Variants in KIAA0040 observed in about 807,000 individuals in gnomAD.
The protein encoded by KIAA0040 is KIAA0040.
KIAA0040 carries 10 observed loss-of-function variants against 7.2 expected under a neutral mutation model. The ratio of observed to expected loss-of-function variants is 1.38; its 90% CI spans 0.85 to 2.34. The LOEUF (loss-of-function observed/expected upper bound fraction) is 2.34. KIAA0040 is among the 30% of genes most tolerant of loss of function. The pLI is 0.00. For synonymous variants in KIAA0040, 49 were observed against 40.1 expected (o/e 1.22, Z -0.84); for missense variants, 89 against 108.2 (o/e 0.82, Z 0.79).
chr1:175,163,077 C>T (rs924949434), intron 3 of KIAA0040, among the ~76,000 whole-genome samples: 4 of 152,156 alleles, frequency 2.6e-5, no homozygotes, highest in Non-Finnish European at 4.4e-5. Flanking sequence ...GTGCCAGAGC[C>T]GGTCTCACTC....
chr1:175,161,947 G>T (rs529509643), intron 3 of KIAA0040, among the ~76,000 whole-genome samples: 4 of 152,190 alleles, frequency 2.6e-5, no homozygotes, highest in Admixed American at 6.5e-5. Context: ...CTTCTCTATG[G>T]GAGAGGAGTC....
chr1:175,172,990 TAG>T (rs1439264361), intron 2 of KIAA0040, among the ~76,000 whole-genome samples: 1 of 152,216 alleles, frequency 6.6e-6, no homozygotes, highest in Non-Finnish European at 1.5e-5. Context: ...TTGCTCTAAT[TAG>T]AGTTTGATCA....
Position 175,161,147 on chromosome 1 carries a change from C to A in KIAA0040, c.-133-1G>T. On this transcript the variant is annotated splice_acceptor_variant, in intron 3 of 3. Transcript: ENST00000423313. LOFTEE classifies it low-confidence loss of function (5UTR_SPLICE). Reference sequence around the variant, plus strand: ...GGTTTGGGCATGCCACTGGCAGCACCTGAAGAGATTAAAACAGACAACTGA... The same window carrying A: ...GGTTTGGGCATGCCACTGGCAGCACATGAAGAGATTAAAACAGACAACTGA... The A allele has an allele frequency of 1.4e-6, 1 of 700,418 alleles. No homozygotes were observed. The highest frequency in any genetic ancestry group is 2.4e-6 in the Non-Finnish European group (1 of 419,286). 43.4% of individuals were successfully genotyped at this position (700,418 alleles called of 1,614,324 possible).
chr1:175,171,994 A>G (rs1308304325), intron 2 of KIAA0040, among the ~76,000 whole-genome samples: 1 of 152,184 alleles, frequency 6.6e-6, no homozygotes, highest in Non-Finnish European at 1.5e-5. Flanking sequence ...GAACAATGAA[A>G]AGAATTTTAA....
chr1:175,172,563 C>T (rs772742001), intron 2 of KIAA0040, among the ~76,000 whole-genome samples: 12 of 152,184 alleles, frequency 7.9e-5, no homozygotes, highest in Admixed American at 1.3e-4. Flanking sequence ...CAGGGTGAGA[C>T]TTTGTCTCTA....
chr1:175,161,144 C>G lies in KIAA0040; in HGVS notation c.-131G>C. The G allele has an allele frequency of 1.4e-6, 1 of 710,252 alleles. No individual in the cohort carries two copies. Among genetic ancestry groups the G allele is most frequent in the Non-Finnish European group, 2.3e-6 (1 of 427,906 alleles). The allele number at this position is 710,252 out of a possible 1,614,324, so 44.0% of individuals were successfully genotyped here. On this transcript the variant is annotated splice_region_variant and 5_prime_UTR_variant, in exon 4 of 4. Coordinates refer to ENST00000423313, the MANE Select transcript of KIAA0040 (RefSeq NM_014656.3). ...TTGGGTTTGGGCATGCCACTGGCAG[C>G]ACCTGAAGAGATTAAAACAGACAAC...
intron 1 of KIAA0040, among the ~76,000 whole-genome samples, chr1:175,184,453 A>T (rs1368809534): frequency 6.6e-6 from 1 of 152,120 alleles, no homozygotes; most frequent in Non-Finnish European, 1.5e-5. Flanking sequence ...GTCTGTTCAG[A>T]GACAGAGGAC....
chr1:175,187,412 C>G (rs1209681784), intron 1 of KIAA0040, among the ~76,000 whole-genome samples: 1 of 152,196 alleles, frequency 6.6e-6, no homozygotes, highest in South Asian at 2.1e-4. Context: ...TTGCAGGCTA[C>G]AGCCAGGGCT....
At chr1:175,191,333 T>G (rs1302264956) in intron 1 of KIAA0040, among the ~76,000 whole-genome samples, 1 of 152,222 alleles carries the variant, frequency 6.6e-6, no homozygotes, top group African/African-American at 2.4e-5. Context: ...AGGACAGAAG[T>G]CATACTCATT....
At chr1:175,167,391 G>A (rs78298839) in intron 2 of KIAA0040, among the ~76,000 whole-genome samples, 17,743 of 152,108 alleles carry the variant, frequency 0.12, 1,396 homozygotes, top group East Asian at 0.31. Flanking sequence ...CCTGTATTGT[G>A]CTTTTTATTA....
intron 2 of KIAA0040, 150 bp downstream of exon 2, chr1:175,177,461 C>T (rs1416588100): frequency 1.3e-5 from 2 of 152,156 alleles, no homozygotes; most frequent in Admixed American, 6.5e-5. Flanking sequence ...ATCTGTGGGG[C>T]CTAGGCCCCC....
intron 2 of KIAA0040, among the ~76,000 whole-genome samples, chr1:175,175,787 A>G (rs1269657985): frequency 3.5e-4 from 53 of 152,174 alleles, no homozygotes; most frequent in Admixed American, 3.3e-3. Flanking sequence ...CAAAAAACCA[A>G]ACACCTCATG....
chr1:175,184,241 A>T (rs1346261352), intron 1 of KIAA0040, among the ~76,000 whole-genome samples: 1 of 152,210 alleles, frequency 6.6e-6, no homozygotes, highest in African/African-American at 2.4e-5. Flanking sequence ...TCTTTGAAGC[A>T]ATAACAAACC....
chr1:175,162,433 T>C (rs867658046), intron 3 of KIAA0040, among the ~76,000 whole-genome samples: 19 of 139,758 alleles, frequency 1.4e-4, no homozygotes, highest in Middle Eastern at 7.0e-3. Context: ...CTCTGGACAA[T>C]GGGTTCAGCA....
intron 2 of KIAA0040, among the ~76,000 whole-genome samples, chr1:175,175,329 C>T (rs1045476379): frequency 2.6e-5 from 4 of 151,406 alleles, no homozygotes; most frequent in Non-Finnish European, 5.9e-5. Context: ...CAATGAGATA[C>T]CATCTCACAC....
At chr1:175,175,804 C>T (rs537928594) in intron 2 of KIAA0040, among the ~76,000 whole-genome samples, 53 of 151,938 alleles carry the variant, frequency 3.5e-4, no homozygotes, top group Non-Finnish European at 4.9e-4. Flanking sequence ...CATGTTCTCA[C>T]TCATAGGTGG....
intron 3 of KIAA0040, among the ~76,000 whole-genome samples, chr1:175,166,222 A>G (rs1676758264): frequency 6.6e-6 from 1 of 152,126 alleles, no homozygotes; most frequent in Non-Finnish European, 1.5e-5. Context: ...AGCTCCATTG[A>G]GCTTTCTACC....
chr1:175,161,493 T>C (rs1286812373), intron 3 of KIAA0040, among the ~76,000 whole-genome samples: 2 of 152,142 alleles, frequency 1.3e-5, no homozygotes, highest in African/African-American at 2.4e-5. Context: ...GCAACAGCAG[T>C]TCTCAATCTT....
chr1:175,170,535 G>A (rs914770255), intron 2 of KIAA0040, among the ~76,000 whole-genome samples: 3 of 151,976 alleles, frequency 2.0e-5, no homozygotes, highest in South Asian at 2.1e-4. Flanking sequence ...CACCCCCACC[G>A]CCCTAGCTGT....
Sources: allele counts gnomAD v4.1 joint callset (sites outside exome capture counted in the v4.1 genomes callset), GRCh38; gene constraint gnomAD v4.1.1; transcripts MANE v1.5; gene names NCBI Gene and HGNC (gene_info 2026-07-23, HGNC 2026-07-21).